The following TMEM131 variants were observed in gnomAD, a reference collection of about 807,000 sequenced individuals.
TMEM131 encodes the protein 2610524E03Rik.
TMEM131 carries 66 observed loss-of-function variants against 211.6 expected under a neutral mutation model. The observed-to-expected ratio is 0.31, with a 90% CI of 0.26 to 0.38. The LOEUF (loss-of-function observed/expected upper bound fraction) is 0.38, where lower values mean the gene tolerates loss of function less well. Ranked by LOEUF, TMEM131 falls within the 10% of genes least tolerant of loss-of-function variation. The pLI, the probability that TMEM131 is intolerant of heterozygous loss-of-function variation, is 1.00. For missense variants in TMEM131, 2,036 were observed against 2,299.3 expected, an observed-to-expected ratio of 0.89 and a Z score of 2.34; for synonymous variants, 844 against 841.3, an observed-to-expected ratio of 1.00 and a Z score of -0.06.
chr2:97,844,982 A>G (rs1252800154), intron 5 of TMEM131, among the ~76,000 whole-genome samples: 2 of 152,048 alleles, frequency 1.3e-5, no homozygotes, highest in Admixed American at 1.3e-4. Context: ...CTCAAAATAC[A>G]TGGTAGTAAG....
chr2:97,868,120 T>C (rs549758928), intron 4 of TMEM131, among the ~76,000 whole-genome samples: 29 of 152,314 alleles, frequency 1.9e-4, no homozygotes, highest in African/African-American at 7.0e-4. Flanking sequence ...TTTCGAGTTG[T>C]TATTTTTGTG....
chr2:97,972,494 A>C (rs950602021), intron 1 of TMEM131, among the ~76,000 whole-genome samples: 1 of 148,106 alleles, frequency 6.8e-6, no homozygotes, highest in Non-Finnish European at 1.5e-5. Flanking sequence ...GAAGGCGGGC[A>C]GGCAGGCGGG....
At chr2:97,977,959 C>T (rs926542988) in intron 1 of TMEM131, among the ~76,000 whole-genome samples, 4 of 151,992 alleles carry the variant, frequency 2.6e-5, no homozygotes, top group Admixed American at 6.6e-5. Context: ...TGGTGGGGGG[C>T]GCCTGCAATC....
intron 40 of TMEM131, among the ~76,000 whole-genome samples, chr2:97,758,350 C>T (rs932422233): frequency 2.6e-5 from 4 of 152,198 alleles, no homozygotes; most frequent in African/African-American, 7.2e-5. Context: ...GCCAAAACCA[C>T]TAATTATTTT....
intron 2 of TMEM131, among the ~76,000 whole-genome samples, chr2:97,913,886 C>T (rs1230847480): frequency 2.6e-5 from 4 of 152,152 alleles, no homozygotes; most frequent in Non-Finnish European, 5.9e-5. Context: ...CAGCTTTCCC[C>T]AGGGATATAC....
At chr2:97,936,483 CAT>C (rs1677451415) in intron 1 of TMEM131, among the ~76,000 whole-genome samples, 1 of 152,172 alleles carries the variant, frequency 6.6e-6, no homozygotes, top group South Asian at 2.1e-4. Flanking sequence ...CCAACACACA[CAT>C]ATGTACGCAA....
intron 2 of TMEM131, among the ~76,000 whole-genome samples, chr2:97,924,251 C>A (rs778748517): frequency 6.6e-6 from 1 of 152,140 alleles, no homozygotes; most frequent in Non-Finnish European, 1.5e-5. Flanking sequence ...GGTATGGTGG[C>A]ATGTGCCTGT....
intron 5 of TMEM131, among the ~76,000 whole-genome samples, chr2:97,846,330 A>G (rs1052357414): frequency 6.6e-6 from 1 of 152,222 alleles, no homozygotes; most frequent in South Asian, 2.1e-4. Flanking sequence ...CAAGATATAA[A>G]ACGGGCAACA....
intron 1 of TMEM131, among the ~76,000 whole-genome samples, chr2:97,994,810 A>G (rs2104696943): frequency 6.6e-6 from 1 of 152,360 alleles, no homozygotes; most frequent in African/African-American, 2.4e-5. Flanking sequence ...CCTTAACTGT[A>G]AATTATAGAT....
intron 3 of TMEM131, among the ~76,000 whole-genome samples, chr2:97,894,574 G>C (rs955502565): frequency 1.1e-4 from 17 of 152,136 alleles, no homozygotes; most frequent in African/African-American, 4.1e-4. Context: ...GTGGTTTGTA[G>C]TTCTTCTTGA....
At chr2:97,943,002 G>T (rs535863266) in intron 1 of TMEM131, among the ~76,000 whole-genome samples, 14 of 31,968 alleles carry the variant, frequency 4.4e-4, no homozygotes, top group Non-Finnish European at 6.8e-4. Context: ...AGAAAAGAAA[G>T]AAAAGAAAGA....
At chr2:97,887,967 A>G in intron 4 of TMEM131, 85 bp downstream of exon 4, 2 of 1,077,808 alleles carry the variant, frequency 1.9e-6, no homozygotes, top group South Asian at 2.8e-5. Flanking sequence ...ACATAGATGT[A>G]ACACAGGCAA....
At chr2:97,975,811 GAAA>G (rs11355341) in intron 1 of TMEM131, among the ~76,000 whole-genome samples, 1 of 132,286 alleles carries the variant, frequency 7.6e-6, no homozygotes, top group Admixed American at 7.9e-5. Context: ...GGTATTACAA[GAAA>G]AAAAAAAAAA....
In TMEM131 at chr2:97,798,278, G is replaced by A. The variant is rs116999766; in HGVS notation, c.2719-762C>T. Among the ~76,000 whole-genome samples the A allele has an allele frequency of 3.5e-3, 528 of 152,260 alleles. 8 individuals carry two copies. In the East Asian group the frequency reaches 0.042, roughly 12 times the overall value. ...CACAGGTCACATATAAGGATATACCGTTCTGGTTTTTAAGCAACATTAAGT... is the reference window on the plus strand; with the variant it reads ...CACAGGTCACATATAAGGATATACCATTCTGGTTTTTAAGCAACATTAAGT... On this transcript the variant is annotated intron_variant, in intron 25 of 40. Transcript: ENST00000186436.
At chr2:97,923,628 TAAAAAAA>T (rs71386040) in intron 2 of TMEM131, among the ~76,000 whole-genome samples, 137 of 30,206 alleles carry the variant, frequency 4.5e-3, no homozygotes, top group Middle Eastern at 0.038. Flanking sequence ...TCTTTTTTTT[TAAAAAAA>T]AAAAAAAAAA....
intron 1 of TMEM131, among the ~76,000 whole-genome samples, chr2:97,943,101 G>GAAAGAA (rs1553617928): frequency 6.7e-6 from 1 of 149,424 alleles, no homozygotes; most frequent in African/African-American, 2.5e-5. Context: ...AAGAAAGAAA[G>GAAAGAA]AGCTGGGTGT....
rs1378590664 is a variant in TMEM131 at position 97,796,166 on chromosome 2, CAG to C, written c.3200+50_3200+51del. ...GTAAATATGAAAACATATCTTTGCA[CAG>C]AGTTTGAGGAAAGTTAGTGATTCAT... On this transcript the variant is annotated intron_variant, in intron 28 of 40. Transcript: ENST00000186436. 3 of 1,091,112 alleles carry C rather than the reference CAG, an allele frequency of 2.7e-6. No homozygotes were observed. In the African/African-American group the frequency reaches 5.0e-5, roughly 18 times the overall value. 67.6% of individuals were successfully genotyped at this position (1,091,112 alleles called of 1,614,324 possible). A position where few individuals can be genotyped will look rare whatever the true frequency, so the allele number is the denominator to read the frequency against.
At chr2:97,797,597 C>T in intron 25 of TMEM131, 81 bp from the exon 26 acceptor site, 2 of 1,257,478 alleles carry the variant, frequency 1.6e-6, no homozygotes, top group Non-Finnish European at 1.1e-6. Context: ...CCATCTAGAG[C>T]CCAGTATAGT....
intron 3 of TMEM131, among the ~76,000 whole-genome samples, chr2:97,899,348 T>C (rs764433850): frequency 1.3e-5 from 2 of 152,082 alleles, no homozygotes; most frequent in African/African-American, 2.4e-5. Context: ...ACTTGCAAAA[T>C]AGGACTAATA....
Sources: gnomAD v4.1 joint callset for allele counts (sites outside exome capture counted in the v4.1 genomes callset) on GRCh38, gnomAD v4.1.1 for gene constraint, MANE v1.5 for transcripts, NCBI Gene and HGNC (gene_info 2026-07-23, HGNC 2026-07-21) for gene names.